The following PRKN variants were observed in gnomAD, a reference collection of about 807,000 sequenced individuals.
PRKN encodes the protein parkin RBR E3 ubiquitin protein ligase, also known as E3 ubiquitin-protein ligase parkin.
In PRKN, 56 loss-of-function variants were observed where a neutral mutation model predicts 59.5. The observed-to-expected ratio is 0.94, with a 90% CI of 0.76 to 1.18. The LOEUF is 1.18. PRKN is among the 50% of genes most tolerant of loss of function. The probability of loss-of-function intolerance (pLI) is 0.00; values close to 1 mark genes in which losing one functional copy is unlikely to be tolerated. For synonymous variants in PRKN, 250 were observed against 222.1 expected, an observed-to-expected ratio of 1.13 and a Z score of -1.12; for missense variants, 657 against 596.4, an observed-to-expected ratio of 1.10 and a Z score of -1.06.
intron 1 of PRKN, among the ~76,000 whole-genome samples, chr6:162,447,565 C>T (rs1353497816): frequency 3.3e-5 from 5 of 152,056 alleles, no homozygotes; most frequent in African/African-American, 9.7e-5. Flanking sequence ...TATGATATCC[C>T]TAACCAGGGT....
rs112144804 is a variant in PRKN at position 162,290,149 on chromosome 6, C to T, written c.172-27384G>A. Among the ~76,000 whole-genome samples the T allele has an allele frequency of 3.5e-3, 540 of 152,248 alleles. 3 individuals are homozygous for T. The highest frequency in any genetic ancestry group is 0.012 in the African/African-American group (480 of 41,542). ...TTCACTTTATCCCCAGTCCACAGAC[C>T]GACCATTGTCCTCAGCAATAGGCTG... is the stretch of plus-strand genomic sequence containing the variant. On this transcript the variant is annotated intron_variant, in intron 2 of 11. Coordinates refer to ENST00000366898, the MANE Select transcript of PRKN (RefSeq NM_004562.3).
chr6:162,016,308 T>C (rs1782933633), intron 5 of PRKN, among the ~76,000 whole-genome samples: 1 of 152,162 alleles, frequency 6.6e-6, no homozygotes, highest in African/African-American at 2.4e-5. Context: ...AGAAAATTAC[T>C]GAGCATTTTT....
chr6:161,348,851 G>A lies in PRKN; in HGVS notation c.*1248C>T. On this transcript the variant is annotated 3_prime_UTR_variant, in exon 12 of 12. Transcript: ENST00000366898. This position sits in a 1 kb window ranked among gnomAD's most constrained non-coding sequence, Gnocchi z 4.9. ...GGTAAGAGCATGCGGTTTGCCGCAT[G>A]CAGTGTTGTTAATCTTTTGATTGTG... 4.8e-6 allele frequency: 1 copy of A among 207,734 alleles called. No homozygotes were observed. Among genetic ancestry groups the A allele is most frequent in the Non-Finnish European group, 9.8e-6 (1 of 101,814 alleles). The allele number at this position is 207,734 out of a possible 1,614,324, so 12.9% of individuals were successfully genotyped here. A position where few individuals can be genotyped will look rare whatever the true frequency, so the allele number is the denominator to read the frequency against.
At chr6:161,832,909 A>C (rs1792569201) in intron 6 of PRKN, among the ~76,000 whole-genome samples, 1 of 151,630 alleles carries the variant, frequency 6.6e-6, no homozygotes, top group African/African-American at 2.4e-5. Flanking sequence ...GACTCCAACC[A>C]TTGCCGAATG....
In PRKN at chr6:161,518,985, T is replaced by C. The variant is rs1778718006; in HGVS notation, c.1083+29869A>G. Among the ~76,000 whole-genome samples the C allele has an allele frequency of 6.6e-6, 1 of 152,210 alleles. No homozygotes were observed. The highest frequency in any genetic ancestry group is 1.5e-5 in the Non-Finnish European group (1 of 68,036). On this transcript the variant is annotated intron_variant, in intron 9 of 11. Transcript: ENST00000366898. This position sits in a 1 kb window ranked among gnomAD's most constrained non-coding sequence, Gnocchi z 5.0. ...AACTGCACTCGTGTCCAGATGCAAG[T>C]AAATGATAAACTCCTCGAGACTTCA...
At chr6:161,680,746 TATATATATATATATATATATATA>T (rs1178544345) in intron 7 of PRKN, among the ~76,000 whole-genome samples, 29 of 8,594 alleles carry the variant, frequency 3.4e-3, no homozygotes, top group East Asian at 0.022. Flanking sequence ...TATATATATA[TATATATATATATATATATATATA>T]TATATATTTT....
intron 5 of PRKN, among the ~76,000 whole-genome samples, chr6:162,017,269 A>G (rs965887190): frequency 6.6e-6 from 1 of 152,200 alleles, no homozygotes; most frequent in African/African-American, 2.4e-5. Flanking sequence ...CAGGTCTGGG[A>G]ATCGCTAGTT....
At chr6:162,646,495 G>A (rs532949332) in intron 1 of PRKN, among the ~76,000 whole-genome samples, 2 of 151,906 alleles carry the variant, frequency 1.3e-5, no homozygotes, top group Non-Finnish European at 1.5e-5. Context: ...TGTTGCCCAG[G>A]CTGGTCTCAA....
rs1166857777 is a variant in PRKN, at chr6:161,428,513, C to A, written c.1084-41636G>T. On this transcript the variant is annotated intron_variant, in intron 9 of 11. Transcript: ENST00000366898. This position sits in a 1 kb window ranked among gnomAD's most constrained non-coding sequence, Gnocchi z 4.0. Reference sequence around the variant, plus strand: ...GCATCGCAGATGCCCGTGCCCAGGGCAGCAGCCATAAAGGCCGTGGCACCT... The same window carrying A: ...GCATCGCAGATGCCCGTGCCCAGGGAAGCAGCCATAAAGGCCGTGGCACCT... Among the ~76,000 whole-genome samples, 1 of 152,164 alleles carries A rather than the reference C, an allele frequency of 6.6e-6. No individual in the cohort carries two copies. The highest frequency in any genetic ancestry group is 1.5e-5 in the Non-Finnish European group (1 of 68,032).
intron 9 of PRKN, among the ~76,000 whole-genome samples, chr6:161,486,231 G>A (rs1371219550): frequency 2.3e-5 from 3 of 133,158 alleles, no homozygotes; most frequent in Admixed American, 7.9e-5. Context: ...CCAGATAAGT[G>A]TGGCAAACAG....
intron 6 of PRKN, among the ~76,000 whole-genome samples, chr6:161,916,274 TAAG>T (rs1778554164): frequency 6.6e-6 from 1 of 152,126 alleles, no homozygotes. Context: ...ATGAGAAACT[TAAG>T]AAGATGGGAC....
chr6:161,685,575 G>A (rs562050256), intron 7 of PRKN, among the ~76,000 whole-genome samples: 35 of 152,264 alleles, frequency 2.3e-4, no homozygotes, highest in Admixed American at 9.2e-4. Flanking sequence ...AAAACCTAAC[G>A]ATTAAATATT....
chr6:162,129,664 T>C (rs1781265610), intron 4 of PRKN, among the ~76,000 whole-genome samples: 1 of 152,166 alleles, frequency 6.6e-6, no homozygotes. Flanking sequence ...ATATACTAAT[T>C]TCATTTTCAA....
At chr6:162,031,611 C>T (rs1327358326) in intron 5 of PRKN, among the ~76,000 whole-genome samples, 1 of 151,212 alleles carries the variant, frequency 6.6e-6, no homozygotes, top group African/African-American at 2.4e-5. Flanking sequence ...TCTCAGCTCA[C>T]TGTAACCTCC....
intron 6 of PRKN, among the ~76,000 whole-genome samples, chr6:161,895,622 C>CCG (rs1363469941): frequency 8.6e-6 from 1 of 116,210 alleles, no homozygotes; most frequent in East Asian, 2.8e-4. Context: ...ACCCCACCTG[C>CCG]TGTTATGCTC....
intron 1 of PRKN, among the ~76,000 whole-genome samples, chr6:162,545,102 T>C (rs1382167534): frequency 2.7e-5 from 4 of 150,600 alleles, no homozygotes; most frequent in Admixed American, 2.0e-4. Context: ...TTGGCCAACA[T>C]GGTGAAACCC....
chr6:162,346,931 T>A (rs979729204), intron 2 of PRKN, among the ~76,000 whole-genome samples: 17 of 152,050 alleles, frequency 1.1e-4, no homozygotes, highest in African/African-American at 3.9e-4. Context: ...GCTTTCCTAG[T>A]ATTTGTAGTC....
intron 7 of PRKN, among the ~76,000 whole-genome samples, chr6:161,675,823 C>A (rs144890254): frequency 3.3e-5 from 5 of 152,244 alleles, no homozygotes; most frequent in African/African-American, 4.8e-5. Context: ...ACAGTTCCTG[C>A]GGAAGGCTTT....
intron 6 of PRKN, among the ~76,000 whole-genome samples, chr6:161,933,892 T>C (rs747743428): frequency 1.3e-5 from 2 of 151,836 alleles, no homozygotes; most frequent in Non-Finnish European, 2.9e-5. Flanking sequence ...CAGAAGTCTT[T>C]GGACCACACT....
Sources: gnomAD v4.1 joint callset for allele counts (sites outside exome capture counted in the v4.1 genomes callset) on GRCh38, gnomAD v4.1.1 for gene constraint, Gnocchi (gnomAD v3.1) non-coding constraint, MANE v1.5 for transcripts, NCBI Gene and HGNC (gene_info 2026-07-23, HGNC 2026-07-21) for gene names.